PTPRN2: variants seen among roughly 807,000 people sequenced by gnomAD.
PTPRN2 encodes the protein receptor-type tyrosine-protein phosphatase N2.
In PTPRN2, 74 loss-of-function variants were observed where a neutral mutation model predicts 118.8. The observed-to-expected ratio is 0.62, with a 90% CI of 0.52 to 0.76. The LOEUF (loss-of-function observed/expected upper bound fraction) is 0.76, where lower values mean the gene tolerates loss of function less well. Ranked by LOEUF, PTPRN2 falls within the 30% of genes least tolerant of loss-of-function variation. The pLI, the probability that PTPRN2 is intolerant of heterozygous loss-of-function variation, is 0.00. For missense variants in PTPRN2, 1,481 were observed against 1,394.4 expected (o/e 1.06, Z -0.99); for synonymous variants, 641 against 608.0 (o/e 1.05, Z -0.80).
chr7:158,392,834 G>C (rs943213793), intron 2 of PTPRN2, among the ~76,000 whole-genome samples: 1 of 152,138 alleles, frequency 6.6e-6, no homozygotes, highest in Non-Finnish European at 1.5e-5. Flanking sequence ...AAGCCTCATC[G>C]GACCTGCAGG....
intron 2 of PTPRN2, among the ~76,000 whole-genome samples, chr7:158,472,644 TC>T (rs1447397749): frequency 6.6e-6 from 1 of 152,008 alleles, no homozygotes; most frequent in Non-Finnish European, 1.5e-5. Context: ...ACATCACCCA[TC>T]AGTTAGAGGG....
intron 10 of PTPRN2, among the ~76,000 whole-genome samples, chr7:158,086,888 A>C (rs1813460111): frequency 6.6e-6 from 1 of 152,100 alleles, no homozygotes; most frequent in Non-Finnish European, 1.5e-5. Flanking sequence ...CAATAACCTT[A>C]TTATCTTCTT....
At chr7:158,242,982 T>C (rs1056227946) in intron 3 of PTPRN2, among the ~76,000 whole-genome samples, 3 of 152,246 alleles carry the variant, frequency 2.0e-5, no homozygotes, top group South Asian at 2.1e-4. Context: ...ATTTTGATGA[T>C]CTTTCCTATT....
At chr7:158,269,793 G>A (rs1410758245) in intron 3 of PTPRN2, among the ~76,000 whole-genome samples, 1 of 152,026 alleles carries the variant, frequency 6.6e-6, no homozygotes, top group Non-Finnish European at 1.5e-5. Flanking sequence ...GAGACAAAGG[G>A]AGCAGGAGAG....
intron 9 of PTPRN2, among the ~76,000 whole-genome samples, chr7:158,120,329 C>T (rs948713680): frequency 2.6e-5 from 4 of 152,158 alleles, no homozygotes; most frequent in African/African-American, 9.7e-5. Flanking sequence ...ATGGGTAAGA[C>T]AGTAAACTTT....
At chr7:157,775,139 C>T (rs1234127009) in intron 12 of PTPRN2, among the ~76,000 whole-genome samples, 1 of 152,202 alleles carries the variant, frequency 6.6e-6, no homozygotes, top group East Asian at 1.9e-4. Context: ...TCTCGGAACG[C>T]CTCACTCCGT....
intron 11 of PTPRN2, among the ~76,000 whole-genome samples, chr7:158,044,655 A>C (rs557713788): frequency 1.3e-5 from 2 of 152,238 alleles, no homozygotes; most frequent in Non-Finnish European, 2.9e-5. Flanking sequence ...ACAGGGGACA[A>C]GGAGAACCCG....
At chr7:158,532,867 G>A (rs1024927471) in intron 1 of PTPRN2, 17 of 522,860 alleles carry the variant, frequency 3.3e-5, no homozygotes, top group Middle Eastern at 4.0e-4. Flanking sequence ...GCACTCTGAC[G>A]CGCAGACCAT....
At chr7:157,678,196 C>T (rs542393868) in intron 13 of PTPRN2, among the ~76,000 whole-genome samples, 1 of 152,230 alleles carries the variant, frequency 6.6e-6, no homozygotes, top group South Asian at 2.1e-4. Context: ...ATAGGTTTTG[C>T]TTATTTGAGT....
chr7:157,770,953 G>T (rs1335228751), intron 12 of PTPRN2, among the ~76,000 whole-genome samples: 1 of 152,252 alleles, frequency 6.6e-6, no homozygotes, highest in Non-Finnish European at 1.5e-5. Context: ...CGGGGGCTGT[G>T]GGCCCGCTTG....
intron 12 of PTPRN2, among the ~76,000 whole-genome samples, chr7:157,815,878 C>T (rs768123643): frequency 5.3e-5 from 8 of 152,234 alleles, no homozygotes; most frequent in Admixed American, 1.3e-4. Context: ...ACGTTGCAGA[C>T]ATCGCTGTGC....
At chr7:157,888,133 G>A (rs1796592538) in intron 12 of PTPRN2, among the ~76,000 whole-genome samples, 1 of 151,874 alleles carries the variant, frequency 6.6e-6, no homozygotes. Context: ...GAGATTGCTG[G>A]AGTGTTACAC....
intron 2 of PTPRN2, among the ~76,000 whole-genome samples, chr7:158,342,925 C>T (rs189085103): frequency 1.9e-4 from 29 of 152,226 alleles, no homozygotes; most frequent in Admixed American, 1.4e-3. Context: ...CGAAGGAGAA[C>T]GGCAGGGTGG....
At chr7:157,604,728 T>G (rs765518324) in intron 15 of PTPRN2, among the ~76,000 whole-genome samples, 1 of 152,168 alleles carries the variant, frequency 6.6e-6, no homozygotes, top group Non-Finnish European at 1.5e-5. Context: ...GAGACTGGCA[T>G]AAAAACTCGC....
intron 1 of PTPRN2, among the ~76,000 whole-genome samples, chr7:158,580,839 G>A (rs968948502): frequency 2.6e-5 from 4 of 152,116 alleles, no homozygotes; most frequent in African/African-American, 9.7e-5. Context: ...AATCCTAAGG[G>A]TGGCATTTTC....
intron 2 of PTPRN2, among the ~76,000 whole-genome samples, chr7:158,325,038 G>C (rs1044885735): frequency 2.6e-5 from 4 of 152,168 alleles, no homozygotes; most frequent in Admixed American, 2.6e-4. Context: ...ATCCACAGGG[G>C]GTCCCCCAGT....
At chr7:158,014,381 G>C (rs1010906299) in intron 11 of PTPRN2, among the ~76,000 whole-genome samples, 2 of 147,872 alleles carry the variant, frequency 1.4e-5, no homozygotes, top group African/African-American at 5.0e-5. Context: ...CACTTTACCT[G>C]TTTGTTCGTC....
In PTPRN2 at chr7:157,638,665, C is replaced by T. The variant is rs11972927; in HGVS notation, c.2197-17156G>A. Among the ~76,000 whole-genome samples, 136 of 152,372 alleles carry T rather than the reference C, an allele frequency of 8.9e-4. 2 individuals carry two copies. The highest frequency in any genetic ancestry group is 3.1e-3 in the African/African-American group (128 of 41,594). On this transcript the variant is annotated intron_variant, in intron 14 of 22. Transcript: ENST00000389418. ...TTTTCCCAGCTCAGTGCCAGTCACA[C>T]GGCATGGGGACCAAATGACATGCCC...
At chr7:158,432,382 C>T (rs1816281257) in intron 2 of PTPRN2, among the ~76,000 whole-genome samples, 1 of 152,196 alleles carries the variant, frequency 6.6e-6, no homozygotes, top group Non-Finnish European at 1.5e-5. Flanking sequence ...TAACACAGAG[C>T]TCAGATAGCG....
Sources: gnomAD v4.1 joint callset for allele counts (sites outside exome capture counted in the v4.1 genomes callset) on GRCh38, gnomAD v4.1.1 for gene constraint, MANE v1.5 for transcripts, NCBI Gene and HGNC (gene_info 2026-07-23, HGNC 2026-07-21) for gene names.